The following MACROD2 variants were observed in gnomAD, a reference collection of about 807,000 sequenced individuals.
MACROD2 encodes ADP-ribose glycohydrolase MACROD2.
MACROD2 carries 36 observed loss-of-function variants against 70.4 expected under a neutral mutation model. That is an observed-to-expected ratio of 0.51 (90% CI 0.39 to 0.68). The LOEUF (loss-of-function observed/expected upper bound fraction) is 0.68. Ranked by LOEUF, MACROD2 falls within the 30% of genes least tolerant of loss-of-function variation. MACROD2 has a pLI of 0.00. For synonymous variants in MACROD2, 172 were observed against 178.8 expected, an observed-to-expected ratio of 0.96 and a Z score of 0.30; for missense variants, 496 against 538.4, an observed-to-expected ratio of 0.92 and a Z score of 0.78.
intron 15 of MACROD2, among the ~76,000 whole-genome samples, chr20:16,002,199 T>G (rs1310363023): frequency 6.6e-6 from 1 of 152,102 alleles, no homozygotes; most frequent in Non-Finnish European, 1.5e-5. Context: ...TTATCACCTA[T>G]AGTAAGGAAT....
At chr20:15,958,586 C>G (rs1437711669) in intron 12 of MACROD2, among the ~76,000 whole-genome samples, 1 of 152,140 alleles carries the variant, frequency 6.6e-6, no homozygotes, top group Non-Finnish European at 1.5e-5. Context: ...AGCAGGTATA[C>G]TAATTTGAAT....
intron 3 of MACROD2, among the ~76,000 whole-genome samples, chr20:14,132,742 G>A (rs756320227): frequency 6.6e-5 from 10 of 152,082 alleles, no homozygotes; most frequent in Admixed American, 3.3e-4. Flanking sequence ...AGCCTCAAGC[G>A]ATCCTCTTTT....
At chr20:14,042,534 T>C (rs1569130503) in intron 2 of MACROD2, among the ~76,000 whole-genome samples, 1 of 152,202 alleles carries the variant, frequency 6.6e-6, no homozygotes, top group Non-Finnish European at 1.5e-5. Flanking sequence ...AGTCTCACGC[T>C]GTCGCCCGGG....
intron 3 of MACROD2, among the ~76,000 whole-genome samples, chr20:14,109,096 A>T (rs1411437147): frequency 6.6e-6 from 1 of 152,084 alleles, no homozygotes; most frequent in Non-Finnish European, 1.5e-5. Flanking sequence ...TAAAACTAGA[A>T]ATCAACAACA....
chr20:15,542,288 A>G, intron 8 of MACROD2, among the ~76,000 whole-genome samples: 1 of 152,194 alleles, frequency 6.6e-6, no homozygotes, highest in Admixed American at 6.5e-5. Context: ...TAATAACATT[A>G]CCTTTTAGGG....
At chr20:14,969,093 G>T (rs1363684301) in intron 5 of MACROD2, among the ~76,000 whole-genome samples, 1 of 151,796 alleles carries the variant, frequency 6.6e-6, no homozygotes, top group African/African-American at 2.4e-5. Context: ...GAAGCAAATA[G>T]AGATCACCTT....
chr20:15,892,872 T>C, intron 10 of MACROD2: 1 of 398,348 alleles, frequency 2.5e-6, no homozygotes, highest in Non-Finnish European at 4.4e-6. Flanking sequence ...TTCACATAAT[T>C]TTGAACCCTA....
At chr20:14,644,245 C>A (rs946621230) in intron 4 of MACROD2, among the ~76,000 whole-genome samples, 11 of 152,076 alleles carry the variant, frequency 7.2e-5, no homozygotes, top group Admixed American at 5.9e-4. Flanking sequence ...GACAAAGAGC[C>A]TGATGTAGCT....
intron 17 of MACROD2, among the ~76,000 whole-genome samples, chr20:16,047,952 T>C (rs149421579): frequency 7.2e-5 from 11 of 152,294 alleles, no homozygotes; most frequent in Admixed American, 1.3e-4. Context: ...CGCCAGGTAC[T>C]GCATGGGGAG....
intron 8 of MACROD2, among the ~76,000 whole-genome samples, chr20:15,716,376 G>A (rs892916704): frequency 7.2e-5 from 11 of 152,282 alleles, no homozygotes; most frequent in African/African-American, 2.4e-4. Context: ...GTCGATTCTA[G>A]ATATGTGTTC....
intron 5 of MACROD2, among the ~76,000 whole-genome samples, chr20:15,163,205 A>G (rs1186942997): frequency 6.6e-6 from 1 of 151,974 alleles, no homozygotes; most frequent in African/African-American, 2.4e-5. Flanking sequence ...TAAAAATGAA[A>G]AGACATATAG....
chr20:15,059,398 A>G (rs1339512705), intron 5 of MACROD2, among the ~76,000 whole-genome samples: 1 of 152,022 alleles, frequency 6.6e-6, no homozygotes, highest in East Asian at 1.9e-4. Context: ...AAAAAAGAAT[A>G]GAAAAAGAAA....
intron 5 of MACROD2, among the ~76,000 whole-genome samples, chr20:15,190,591 G>T (rs2076563919): frequency 1.3e-5 from 2 of 152,214 alleles, no homozygotes; most frequent in African/African-American, 4.8e-5. Context: ...GGTATTATGA[G>T]GCCAACAGGT....
chr20:14,318,262 A>C (rs1444497492), intron 3 of MACROD2, among the ~76,000 whole-genome samples: 2 of 152,202 alleles, frequency 1.3e-5, no homozygotes, highest in African/African-American at 4.8e-5. Flanking sequence ...GGCATTGAAA[A>C]AGAAGCACTG....
chr20:14,853,597 C>T (rs1269278365), intron 5 of MACROD2, among the ~76,000 whole-genome samples: 3 of 152,036 alleles, frequency 2.0e-5, no homozygotes, highest in Admixed American at 6.6e-5. Flanking sequence ...GGTCACCTTT[C>T]GGTTTCAGTT....
chr20:14,160,195 T>C (rs1216124097), intron 3 of MACROD2, among the ~76,000 whole-genome samples: 1 of 152,152 alleles, frequency 6.6e-6, no homozygotes, highest in East Asian at 1.9e-4. Context: ...TTTTGTTGAG[T>C]CTTTCTCCGG....
At chr20:15,545,544 C>T (rs1428767679) in intron 8 of MACROD2, among the ~76,000 whole-genome samples, 1 of 152,184 alleles carries the variant, frequency 6.6e-6, no homozygotes, top group African/African-American at 2.4e-5. Flanking sequence ...TCTTCAGAAT[C>T]ATAGGGTCAC....
intron 5 of MACROD2, among the ~76,000 whole-genome samples, chr20:14,847,586 G>T (rs1600721483): frequency 1.3e-5 from 2 of 150,464 alleles, no homozygotes; most frequent in Admixed American, 1.3e-4. Flanking sequence ...TGCAAATGAG[G>T]CACACTTCAA....
chr20:15,454,444 CACACACACA>C (rs1568820029), intron 7 of MACROD2, among the ~76,000 whole-genome samples: 11 of 117,770 alleles, frequency 9.3e-5, no homozygotes, highest in African/African-American at 3.0e-4. Context: ...CACACACACA[CACACACACA>C]CCCTTATTAT....
Sources: allele counts gnomAD v4.1 joint callset (sites outside exome capture counted in the v4.1 genomes callset), GRCh38; gene constraint gnomAD v4.1.1; transcripts MANE v1.5; gene names NCBI Gene and HGNC (gene_info 2026-07-23, HGNC 2026-07-21).